Variants in TMEM268 observed in about 807,000 individuals in gnomAD.
TMEM268 encodes the protein transmembrane protein 268, also known as transmembrane protein C9orf91.
Under a neutral mutation model 39.1 loss-of-function variants are expected in TMEM268, and 24 were observed. The ratio of observed to expected loss-of-function variants is 0.61; its 90% confidence interval spans 0.44 to 0.86. The LOEUF (loss-of-function observed/expected upper bound fraction) is 0.86, where lower values mean the gene tolerates loss of function less well. Ranked by LOEUF, TMEM268 falls within the 40% of genes least tolerant of loss-of-function variation. TMEM268 has a pLI of 0.00. For missense variants in TMEM268, 409 were observed against 428.6 expected (o/e 0.95, Z 0.40); for synonymous variants, 176 against 173.5 (o/e 1.01, Z -0.12).
chr9:114,637,288 C>CT lies in TMEM268; in HGVS notation c.666+237dup, dbSNP rs33946644. ...TTCCTATGGTGAGCATATATTTCTT[C>CT]TTTTTTTTTTTTTTTTTTTCCTGAG... On this transcript the variant is annotated intron_variant, in intron 7 of 8. Transcript: ENST00000288502. Among the ~76,000 whole-genome samples, 63 of 127,318 alleles carry CT rather than the reference C, an allele frequency of 4.9e-4. 1 individual carries two copies. Among genetic ancestry groups the CT allele is most frequent in the South Asian group, 2.4e-3 (10 of 4,084 alleles). 83.5% of individuals were successfully genotyped at this position (127,318 alleles called of 152,430 possible).
At position 114,646,125 on chromosome 9, in the gene TMEM268, AG is replaced by A. The variant is rs1827560585; in HGVS notation, c.*2814del. ...ATGCCCAGCCAGCTCCTAAGTCTTAAGGCTCTGTGTTAGTGATAGATGTGGC... is the reference window on the plus strand; with the variant it reads ...ATGCCCAGCCAGCTCCTAAGTCTTAAGCTCTGTGTTAGTGATAGATGTGGC... On this transcript the variant is annotated 3_prime_UTR_variant, in exon 9 of 9. Coordinates refer to ENST00000288502, the MANE Select transcript of TMEM268 (RefSeq NM_153045.4). 1 of 152,108 alleles carries A rather than the reference AG, an allele frequency of 6.6e-6. No homozygotes were observed. Among genetic ancestry groups the A allele is most frequent in the Admixed American group, 6.6e-5 (1 of 15,262 alleles). The allele number at this position is 152,108 out of a possible 1,614,324, so 9.4% of individuals were successfully genotyped here. A position where few individuals can be genotyped will look rare whatever the true frequency, so the allele number is the denominator to read the frequency against.
At chr9:114,626,841 T>G in intron 3 of TMEM268, 58 bp from the exon 4 acceptor site, 1 of 1,292,246 alleles carries the variant, frequency 7.7e-7, no homozygotes, top group Non-Finnish European at 1.1e-6. Context: ...GATAGTCACA[T>G]GCACTGGAAA....
At chr9:114,637,133 T>C in intron 7 of TMEM268, 63 bp downstream of exon 7, 1 of 1,086,888 alleles carries the variant, frequency 9.2e-7, no homozygotes, top group Non-Finnish European at 1.4e-6. Context: ...TCGATTTCAT[T>C]ATCTTAAGGG....
At chr9:114,623,029 G>T (rs1338648151) in intron 2 of TMEM268, among the ~76,000 whole-genome samples, 1 of 152,128 alleles carries the variant, frequency 6.6e-6, no homozygotes, top group East Asian at 1.9e-4. Flanking sequence ...GGTGGAGATT[G>T]TAGTAAGCTG....
At chr9:114,624,175 C>T (rs1589339138) in intron 2 of TMEM268, 175 bp from the exon 3 acceptor site, 2 of 1,365,466 alleles carry the variant, frequency 1.5e-6, no homozygotes, top group East Asian at 2.9e-5. Context: ...CTCCTGGGGG[C>T]TTCCCAGTCA....
At chr9:114,634,100 G>C (rs1846525179) in intron 6 of TMEM268, among the ~76,000 whole-genome samples, 1 of 152,192 alleles carries the variant, frequency 6.6e-6, no homozygotes, top group Non-Finnish European at 1.5e-5. Context: ...TGGCAGGGCT[G>C]GAAGGGAAGC....
chr9:114,633,943 TG>T (rs1412360595), intron 6 of TMEM268, 65 bp downstream of exon 6: 10 of 890,400 alleles, frequency 1.1e-5, no homozygotes, highest in Admixed American at 4.9e-5. Context: ...TGGAGAGCAG[TG>T]GCCTCATGTT....
chr9:114,633,847 A>T lies in TMEM268; in HGVS notation c.554A>T (p.Asp185Val). 6.2e-7 allele frequency: 1 copy of T among 1,604,904 alleles called. No individual in the cohort carries two copies. The highest frequency in any genetic ancestry group is 8.5e-7 in the Non-Finnish European group (1 of 1,175,694). Reference protein sequence around the residue: ...LRHRVLLGVTDTVEGCQSVIQ... With the variant: ...LRHRVLLGVTVTVEGCQSVIQ... ...CACCGGGTGCTGCTGGGGGTGACAG[A>T]CACAGTGGAAGGATGCCAGAGTGTG... The change falls in exon 6 of 9, where the codon GAC (aspartate) becomes GTC (valine). Residue 185 changes from aspartate to valine, a missense_variant. Coordinates refer to ENST00000288502, the MANE Select transcript of TMEM268 (RefSeq NM_153045.4).
intron 2 of TMEM268, 80 bp from the exon 3 acceptor site, chr9:114,624,270 A>AT (rs1846063287): frequency 6.5e-7 from 1 of 1,535,180 alleles, no homozygotes; most frequent in Non-Finnish European, 8.8e-7. Context: ...CAGAGGTGTG[A>AT]TGCCGCCAGG....
intron 2 of TMEM268, among the ~76,000 whole-genome samples, chr9:114,620,843 G>A (rs974019723): frequency 3.3e-5 from 5 of 152,072 alleles, no homozygotes; most frequent in African/African-American, 1.2e-4. Context: ...TTAGTGAGAG[G>A]CCGAGCTCCA....
intron 2 of TMEM268, among the ~76,000 whole-genome samples, chr9:114,619,518 G>A (rs1412113852): frequency 6.6e-6 from 1 of 152,220 alleles, no homozygotes; most frequent in African/African-American, 2.4e-5. Flanking sequence ...ACGTAATTCA[G>A]TGTACAACGA....
chr9:114,619,293 G>GCACACACA (rs10552544), intron 2 of TMEM268, among the ~76,000 whole-genome samples: 108 of 150,406 alleles, frequency 7.2e-4, no homozygotes, highest in African/African-American at 2.4e-3. Flanking sequence ...GTGCACGCGT[G>GCACACACA]CACACACACA....
chr9:114,631,291 A>AAAAAAAAAAAAGG (rs1243699249), intron 5 of TMEM268, among the ~76,000 whole-genome samples: 1 of 23,292 alleles, frequency 4.3e-5, no homozygotes, highest in Non-Finnish European at 1.5e-4. Flanking sequence ...TCAAAAAAAA[A>AAAAAAAAAAAAGG]AAAAAAAAAA....
At chr9:114,629,089 G>A (rs1219152775) in intron 5 of TMEM268, among the ~76,000 whole-genome samples, 2 of 152,238 alleles carry the variant, frequency 1.3e-5, no homozygotes. Context: ...AAATGCCAGA[G>A]TTGGAAATCA....
chr9:114,640,439 G>T (rs1324043397), intron 8 of TMEM268, among the ~76,000 whole-genome samples: 1 of 152,180 alleles, frequency 6.6e-6, no homozygotes, highest in Non-Finnish European at 1.5e-5. Context: ...CATTTTTACA[G>T]ATTTTTCTCA....
intron 3 of TMEM268, 54 bp downstream of exon 3, chr9:114,624,513 C>T: frequency 2.6e-6 from 4 of 1,541,346 alleles, no homozygotes; most frequent in Non-Finnish European, 3.5e-6. Flanking sequence ...CCATTCATCC[C>T]TCTATCTTTT....
intron 2 of TMEM268, among the ~76,000 whole-genome samples, chr9:114,618,681 A>G (rs1296328096): frequency 2.0e-5 from 3 of 152,052 alleles, no homozygotes; most frequent in African/African-American, 7.2e-5. Context: ...AAAGAAAGAA[A>G]AAGAATTTCC....
At chr9:114,621,643 G>A (rs1229812706) in intron 2 of TMEM268, among the ~76,000 whole-genome samples, 21 of 152,046 alleles carry the variant, frequency 1.4e-4, no homozygotes, top group Non-Finnish European at 3.1e-4. Context: ...TGTCAAGGAG[G>A]CCTCTCTGGG....
upstream of TMEM268, among the ~76,000 whole-genome samples, chr9:114,608,553 A>G (rs1262347774): frequency 2.0e-5 from 3 of 152,246 alleles, no homozygotes; most frequent in African/African-American, 4.8e-5. Context: ...GGAGGAGGGC[A>G]ACCTTGTTGG....
Sources: gnomAD v4.1 joint callset for allele counts (sites outside exome capture counted in the v4.1 genomes callset) on GRCh38, gnomAD v4.1.1 for gene constraint, MANE v1.5 for transcripts, NCBI Gene and HGNC (gene_info 2026-07-23, HGNC 2026-07-21) for gene names.